DPYS: variants seen among roughly 807,000 people sequenced by gnomAD.
DPYS encodes the protein dihydropyrimidinase, also known as dihydropyrimidine amidohydrolase.
DPYS carries 39 observed loss-of-function variants against 50.3 expected under a neutral mutation model. The observed-to-expected ratio is 0.78, with a 90% CI of 0.60 to 1.01. DPYS has a LOEUF of 1.01. Ranked by LOEUF, DPYS falls within the 50% of genes least tolerant of loss-of-function variation. DPYS has a pLI of 0.00. For missense variants in DPYS, 659 were observed against 680.9 expected (o/e 0.97, Z 0.36); for synonymous variants, 245 against 250.7 (o/e 0.98, Z 0.22).
intron 7 of DPYS, among the ~76,000 whole-genome samples, chr8:104,415,479 T>A (rs972341776): frequency 2.0e-5 from 3 of 152,200 alleles, no homozygotes; most frequent in African/African-American, 7.2e-5. Context: ...AAGGTTCAGT[T>A]GCATAAAAAT....
chr8:104,381,448 T>G, intron 8 of DPYS, 134 bp from the exon 9 acceptor site: 1 of 822,686 alleles, frequency 1.2e-6, no homozygotes, highest in Non-Finnish European at 2.0e-6. Context: ...CCCATCCCCT[T>G]GGCCTTTCAC....
Position 104,391,925 on chromosome 8 carries a change from T to TAA in DPYS, c.1443+857_1443+858dup, listed in dbSNP as rs150240877. 6.8e-3 allele frequency among the ~76,000 whole-genome samples: 1,034 copies of TAA among 151,548 alleles called. 21 individuals carry two copies. Among genetic ancestry groups the TAA allele is most frequent in the African/African-American group, 0.024 (997 of 41,312 alleles). On this transcript the variant is annotated intron_variant, in intron 8 of 9. Coordinates refer to ENST00000351513, the MANE Select transcript of DPYS (RefSeq NM_001385.3). ...ACTGCTTTGGGCCATGCCTTTCATT[T>TAA]AAAAAAAAACCCATTTGAGTGTCAC...
intron 5 of DPYS, among the ~76,000 whole-genome samples, chr8:104,428,866 T>C (rs1812837213): frequency 6.6e-6 from 1 of 151,694 alleles, no homozygotes; most frequent in Non-Finnish European, 1.5e-5. Flanking sequence ...AGTCTTGCTC[T>C]GTCACTCAGG....
At chr8:104,385,552 T>A (rs1811184970) in intron 8 of DPYS, among the ~76,000 whole-genome samples, 1 of 152,188 alleles carries the variant, frequency 6.6e-6, no homozygotes, top group Non-Finnish European at 1.5e-5. Context: ...GGTATCACAA[T>A]CAAATAAAAT....
At chr8:104,417,721 G>A (rs1012305478) in intron 7 of DPYS, among the ~76,000 whole-genome samples, 8 of 152,184 alleles carry the variant, frequency 5.3e-5, no homozygotes, top group African/African-American at 1.4e-4. Context: ...TACACTAAAT[G>A]CAGTTTGTTC....
intron 1 of DPYS, among the ~76,000 whole-genome samples, chr8:104,455,252 C>T (rs1564113722): frequency 6.6e-6 from 1 of 152,176 alleles, no homozygotes; most frequent in Admixed American, 6.5e-5. Context: ...GAGCCTGAGC[C>T]TCTGGGAAAC....
At chr8:104,459,723 A>C (rs1244293910) in intron 1 of DPYS, among the ~76,000 whole-genome samples, 1 of 152,210 alleles carries the variant, frequency 6.6e-6, no homozygotes, top group African/African-American at 2.4e-5. Flanking sequence ...ATTATCATAA[A>C]TCCCCTCTCT....
At chr8:104,394,005 G>C (rs554926614) in intron 7 of DPYS, among the ~76,000 whole-genome samples, 102 of 152,232 alleles carry the variant, frequency 6.7e-4, no homozygotes, top group African/African-American at 2.4e-3. Context: ...CTATTCTTAT[G>C]CCTTTGCATC....
intron 7 of DPYS, among the ~76,000 whole-genome samples, chr8:104,412,109 A>G (rs1438999467): frequency 1.3e-5 from 2 of 152,212 alleles, no homozygotes; most frequent in Non-Finnish European, 2.9e-5. Flanking sequence ...CAGGTACATG[A>G]AATCTTTTAA....
At chr8:104,388,170 T>C (rs1402072282) in intron 8 of DPYS, among the ~76,000 whole-genome samples, 1 of 152,226 alleles carries the variant, frequency 6.6e-6, no homozygotes, top group East Asian at 1.9e-4. Flanking sequence ...AGAATACCCA[T>C]CTCAAGGACC....
At chr8:104,391,398 C>T (rs943090018) in intron 8 of DPYS, among the ~76,000 whole-genome samples, 2 of 152,196 alleles carry the variant, frequency 1.3e-5, no homozygotes, top group Non-Finnish European at 2.9e-5. Flanking sequence ...ATGTGTGAAG[C>T]CTTCTGGGTG....
chr8:104,442,668 G>T (rs1813396947), intron 4 of DPYS, among the ~76,000 whole-genome samples: 1 of 152,200 alleles, frequency 6.6e-6, no homozygotes, highest in African/African-American at 2.4e-5. Context: ...GCAAGATGTT[G>T]ATGGATTACA....
In DPYS at chr8:104,447,361, G is replaced by A. The variant is rs1181568837; in HGVS notation, c.566C>T (p.Ala189Val). The A allele has an allele frequency of 1.1e-5, 18 of 1,614,020 alleles. No homozygotes were observed. Among genetic ancestry groups the A allele is most frequent in the East Asian group, 4.5e-5 (2 of 44,874 alleles). ...FSRCKEIGAI[A>V]QVHAENGDLI... ...GTCTCCATTTTCCGCATGGACCTGG[G>A]CAATTGCTCCAATTTCCTTGCACCG... Residue 189 changes from alanine to valine, a missense_variant, in exon 3 of 10, where the codon GCC (alanine) becomes GTC (valine). Ala to Val is a moderately conservative substitution (Grantham distance 64). Transcript: ENST00000351513.
chr8:104,417,211 T>G (rs1256848044), intron 7 of DPYS, among the ~76,000 whole-genome samples: 1 of 152,232 alleles, frequency 6.6e-6, no homozygotes. Flanking sequence ...GTTAGCTGTG[T>G]GTTTGTGTGC....
At chr8:104,429,798 G>T in intron 4 of DPYS, 97 bp from the exon 5 acceptor site, 2 of 1,466,852 alleles carry the variant, frequency 1.4e-6, no homozygotes, top group Non-Finnish European at 9.4e-7. Flanking sequence ...CCCTAGCAGA[G>T]GGTAATATCT....
chr8:104,405,515 T>C (rs1236115127), intron 7 of DPYS, among the ~76,000 whole-genome samples: 1 of 152,214 alleles, frequency 6.6e-6, no homozygotes, highest in Non-Finnish European at 1.5e-5. Context: ...CTTCCAGTGG[T>C]GGTGCATGCT....
chr8:104,408,354 G>A (rs1166349175), intron 7 of DPYS, among the ~76,000 whole-genome samples: 1 of 152,032 alleles, frequency 6.6e-6, no homozygotes, highest in Non-Finnish European at 1.5e-5. Context: ...ATAATATTAT[G>A]TTACCAAAAG....
intron 2 of DPYS, among the ~76,000 whole-genome samples, chr8:104,450,628 G>A (rs1421386702): frequency 1.3e-5 from 2 of 152,140 alleles, no homozygotes; most frequent in Non-Finnish European, 2.9e-5. Context: ...GGCAATTAGT[G>A]GACATGGAAG....
intron 6 of DPYS, among the ~76,000 whole-genome samples, chr8:104,424,903 T>G (rs948061277): frequency 2.0e-5 from 3 of 151,064 alleles, no homozygotes; most frequent in African/African-American, 7.3e-5. Flanking sequence ...CTTGGCTCAC[T>G]GCAACCTCCA....
Sources: gnomAD v4.1 joint callset for allele counts (sites outside exome capture counted in the v4.1 genomes callset) on GRCh38, gnomAD v4.1.1 for gene constraint, MANE v1.5 for transcripts, NCBI Gene and HGNC (gene_info 2026-07-23, HGNC 2026-07-21) for gene names.